GRM8: variants seen among roughly 807,000 people sequenced by gnomAD.
GRM8 encodes the protein metabotropic glutamate receptor 8.
Under a neutral mutation model 87.2 loss-of-function variants are expected in GRM8, and 47 were observed. The ratio of observed to expected loss-of-function variants is 0.54; its 90% confidence interval spans 0.43 to 0.69. The LOEUF is 0.69. GRM8 is among the 30% of genes least tolerant of loss of function. GRM8 has a pLI of 0.00. For synonymous variants in GRM8, 396 were observed against 404.5 expected, an observed-to-expected ratio of 0.98 and a Z score of 0.25; for missense variants, 1,019 against 1,139.2, an observed-to-expected ratio of 0.89 and a Z score of 1.52.
At chr7:127,049,510 A>G (rs1819258539) in intron 3 of GRM8, among the ~76,000 whole-genome samples, 1 of 152,218 alleles carries the variant, frequency 6.6e-6, no homozygotes, top group Non-Finnish European at 1.5e-5. Context: ...AATTTATATC[A>G]ACCAGCCACA....
chr7:127,124,246 T>C (rs1314131998), intron 2 of GRM8, among the ~76,000 whole-genome samples: 2 of 152,170 alleles, frequency 1.3e-5, no homozygotes, highest in African/African-American at 2.4e-5. Flanking sequence ...CTTTTCAGCA[T>C]TGAGACCGGC....
intron 2 of GRM8, among the ~76,000 whole-genome samples, chr7:127,178,937 A>T (rs1352438800): frequency 6.6e-6 from 1 of 152,182 alleles, no homozygotes; most frequent in Non-Finnish European, 1.5e-5. Context: ...ACATGTTAAG[A>T]AGCAAAACAA....
At chr7:126,941,727 C>T (rs1394729254) in intron 3 of GRM8, among the ~76,000 whole-genome samples, 1 of 151,876 alleles carries the variant, frequency 6.6e-6, no homozygotes, top group Non-Finnish European at 1.5e-5. Context: ...CAAGATAATA[C>T]TCAAATGCAA....
chr7:126,992,089 A>G (rs1812717294), intron 3 of GRM8, among the ~76,000 whole-genome samples: 2 of 152,228 alleles, frequency 1.3e-5, no homozygotes, highest in Admixed American at 1.3e-4. Flanking sequence ...CAGTGATTAC[A>G]GAATCTGAGT....
intron 7 of GRM8, among the ~76,000 whole-genome samples, chr7:126,626,600 A>C (rs1304169805): frequency 6.6e-6 from 1 of 152,210 alleles, no homozygotes; most frequent in Non-Finnish European, 1.5e-5. Context: ...CATCCTTGAC[A>C]CAATACCAAT....
chr7:126,480,242 G>A (rs757971595), intron 9 of GRM8, among the ~76,000 whole-genome samples: 11 of 152,032 alleles, frequency 7.2e-5, no homozygotes, highest in East Asian at 1.9e-4. Flanking sequence ...GAAATTAGCC[G>A]GGTGTGGGGG....
intron 9 of GRM8, among the ~76,000 whole-genome samples, chr7:126,497,765 A>G (rs1808988086): frequency 6.6e-6 from 1 of 152,014 alleles, no homozygotes; most frequent in African/African-American, 2.4e-5. Flanking sequence ...GTACTGATGT[A>G]TAAATGTGAG....
intron 2 of GRM8, among the ~76,000 whole-genome samples, chr7:127,239,472 G>C (rs955061843): frequency 6.6e-6 from 1 of 152,110 alleles, no homozygotes; most frequent in Non-Finnish European, 1.5e-5. Context: ...TAGATTCTGT[G>C]GGTCTTTTGC....
At chr7:127,130,899 T>C (rs1157197194) in intron 2 of GRM8, among the ~76,000 whole-genome samples, 2 of 152,172 alleles carry the variant, frequency 1.3e-5, no homozygotes, top group Non-Finnish European at 2.9e-5. Flanking sequence ...GATTGTAAGT[T>C]TCCTGAGGCC....
intron 9 of GRM8, among the ~76,000 whole-genome samples, chr7:126,461,371 A>G (rs1241779220): frequency 6.6e-6 from 1 of 150,770 alleles, no homozygotes; most frequent in East Asian, 2.0e-4. Flanking sequence ...CACAACCACA[A>G]CTCCTCTCTA....
At chr7:127,109,341 G>A (rs781236905) in intron 2 of GRM8, among the ~76,000 whole-genome samples, 8 of 152,046 alleles carry the variant, frequency 5.3e-5, no homozygotes, top group Admixed American at 2.0e-4. Flanking sequence ...AAAAAGTAGT[G>A]TCTTTTATAA....
intron 3 of GRM8, among the ~76,000 whole-genome samples, chr7:127,015,729 A>G (rs1815597413): frequency 6.6e-6 from 1 of 152,074 alleles, no homozygotes. Flanking sequence ...CAGCACCAGG[A>G]CTGGTTGTTA....
At chr7:126,770,610 T>A (rs1040160168) in intron 6 of GRM8, among the ~76,000 whole-genome samples, 3 of 152,106 alleles carry the variant, frequency 2.0e-5, no homozygotes, top group African/African-American at 7.2e-5. Flanking sequence ...CTTTTTGAAC[T>A]CAATTTTCTA....
At chr7:126,673,012 G>A (rs1256933947) in intron 7 of GRM8, among the ~76,000 whole-genome samples, 1 of 152,174 alleles carries the variant, frequency 6.6e-6, no homozygotes, top group Non-Finnish European at 1.5e-5. Flanking sequence ...GGTGGTATGA[G>A]ACAGCCAGGT....
chr7:127,029,032 T>C (rs1305394118), intron 3 of GRM8, among the ~76,000 whole-genome samples: 1 of 152,218 alleles, frequency 6.6e-6, no homozygotes. Context: ...TCTGGTACGT[T>C]GTGTCTTTGT....
chr7:127,139,884 A>G (rs984067573), intron 2 of GRM8, among the ~76,000 whole-genome samples: 2 of 152,262 alleles, frequency 1.3e-5, no homozygotes, highest in African/African-American at 4.8e-5. Context: ...AATCCCATGG[A>G]AGCTAGGTCA....
intron 6 of GRM8, among the ~76,000 whole-genome samples, chr7:126,886,983 T>A (rs1204216164): frequency 6.6e-6 from 1 of 152,038 alleles, no homozygotes; most frequent in African/African-American, 2.4e-5. Context: ...ACTTCAGAAA[T>A]GTGTCCAGAC....
chr7:127,247,691 C>T (rs1798649128), intron 1 of GRM8, among the ~76,000 whole-genome samples: 2 of 152,228 alleles, frequency 1.3e-5, no homozygotes, highest in Admixed American at 6.5e-5. Context: ...CTGAACATGT[C>T]CCCTCACCCC....
Position 127,048,247 on chromosome 7 carries a change from G to A in GRM8, c.727+58249C>T, listed in dbSNP as rs564048809. On this transcript the variant is annotated intron_variant, in intron 3 of 10. Transcript: ENST00000339582. ...CATCTAAACAAAGATTTCAATGAGA[G>A]CATGAACCCCCAAGCCCATGGCAGG... Among the ~76,000 whole-genome samples, 13 of 131,548 alleles carry A rather than the reference G, an allele frequency of 9.9e-5. No individual in the cohort carries two copies. In the East Asian group the frequency reaches 2.7e-3, roughly 27 times the overall value. 86.3% of individuals were successfully genotyped at this position (131,548 alleles called of 152,430 possible). A position where few individuals can be genotyped will look rare whatever the true frequency, so the allele number is the denominator to read the frequency against.
Sources: allele counts gnomAD v4.1 joint callset (sites outside exome capture counted in the v4.1 genomes callset), GRCh38; gene constraint gnomAD v4.1.1; transcripts MANE v1.5; gene names NCBI Gene and HGNC (gene_info 2026-07-23, HGNC 2026-07-21).